The following TDP1 variants were observed in gnomAD, a reference collection of about 807,000 sequenced individuals.
TDP1 encodes the protein tyrosyl-DNA phosphodiesterase 1.
In TDP1, 64 loss-of-function variants were observed where a neutral mutation model predicts 81.5. That is an observed-to-expected ratio of 0.79 (90% CI 0.64 to 0.97). The LOEUF (loss-of-function observed/expected upper bound fraction) is 0.97. Ranked by LOEUF, TDP1 falls within the 50% of genes least tolerant of loss-of-function variation. TDP1 has a pLI of 0.00. For synonymous variants in TDP1, 256 were observed against 264.3 expected, an observed-to-expected ratio of 0.97 and a Z score of 0.30; for missense variants, 723 against 743.8, an observed-to-expected ratio of 0.97 and a Z score of 0.33.
chr14:89,980,396 A>G, intron 7 of TDP1, 144 bp from the exon 8 acceptor site: 1 of 1,410,918 alleles, frequency 7.1e-7, no homozygotes, highest in South Asian at 1.3e-5. Flanking sequence ...GGTAATGTAT[A>G]GAAGGGAAGA....
rs143942340 is a variant in TDP1 at position 90,000,270 on chromosome 14, T to TAGTC, written c.1541+6788_1541+6789insGTCA. On this transcript the variant is annotated intron_variant, in intron 14 of 16. Transcript: ENST00000335725. ...AGGATTGTTTCCCTTTTGAGTAACT[T>TAGTC]AATTAATTGATAACCAAATTATGCA... Among the ~76,000 whole-genome samples the TAGTC allele has an allele frequency of 5.9e-3, 904 of 152,330 alleles. 6 individuals are homozygous for TAGTC. The highest frequency in any genetic ancestry group is 0.021 in the African/African-American group (867 of 41,566).
chr14:89,982,229 G>A (rs1214831886), intron 8 of TDP1, among the ~76,000 whole-genome samples: 5 of 152,130 alleles, frequency 3.3e-5, no homozygotes, highest in Non-Finnish European at 7.4e-5. Context: ...GTATCCCACT[G>A]AAAATATGCT....
intron 16 of TDP1, among the ~76,000 whole-genome samples, chr14:90,037,428 G>A (rs962734385): frequency 1.3e-5 from 2 of 152,092 alleles, no homozygotes; most frequent in Non-Finnish European, 2.9e-5. Flanking sequence ...AGCTTCAGAG[G>A]TACTAGTTAT....
chr14:89,977,339 C>T lies in TDP1; in HGVS notation c.791+1524C>T, dbSNP rs528188162. Among the ~76,000 whole-genome samples the T allele has an allele frequency of 4.2e-4, 64 of 152,122 alleles. 1 individual carries two copies. In the Middle Eastern group the frequency reaches 0.031, roughly 73 times the overall value. ...TGTTGAGACAGTCTCGCTCTGTTGC[C>T]CAGGCTGGAGTACAATGGCGCAATC... On this transcript the variant is annotated intron_variant, in intron 7 of 16. Transcript: ENST00000335725.
rs534909070 is a variant in TDP1, at chr14:89,970,112, G to A, written c.660-1063G>A. Among the ~76,000 whole-genome samples, 9 of 151,986 alleles carry A rather than the reference G, an allele frequency of 5.9e-5. No individual in the cohort carries two copies. The South Asian group carries it at 8.3e-4, about 14-fold the overall frequency. On this transcript the variant is annotated intron_variant, in intron 5 of 16. Coordinates refer to ENST00000335725, the MANE Select transcript of TDP1 (RefSeq NM_018319.4). The stretch of plus-strand genomic sequence containing the variant: ...GGGATGGTCTCGATCTCCTGACCTC[G>A]TGATCTGCCCGCCTCGGCCTCCCAA...
chr14:90,008,730 G>A (rs1884347580), intron 14 of TDP1, among the ~76,000 whole-genome samples: 1 of 152,038 alleles, frequency 6.6e-6, no homozygotes, highest in African/African-American at 2.4e-5. Flanking sequence ...GTTTATTTTT[G>A]TTTTGTTTTT....
chr14:90,040,374 G>C lies in TDP1; in HGVS notation c.1754-2696G>C, dbSNP rs953919938. ...ATTTGATAAAAATGCATATTGCCAGGCCACAACCCAGACCTACTGAAACAA... is the reference window on the plus strand; with the variant it reads ...ATTTGATAAAAATGCATATTGCCAGCCCACAACCCAGACCTACTGAAACAA... On this transcript the variant is annotated intron_variant, in intron 16 of 16. Transcript: ENST00000335725. Among the ~76,000 whole-genome samples, 8 of 152,296 alleles carry C rather than the reference G, an allele frequency of 5.3e-5. No individual in the cohort carries two copies. The South Asian group carries it at 1.2e-3, about 24-fold the overall frequency.
At chr14:90,032,973 G>C (rs1887452153) in intron 15 of TDP1, 133 bp from the exon 16 acceptor site, 1 of 1,167,938 alleles carries the variant, frequency 8.6e-7, no homozygotes. Flanking sequence ...TATGAACATT[G>C]AAAATACCTC....
chr14:89,969,204 T>C (rs939852364), intron 5 of TDP1, among the ~76,000 whole-genome samples: 7 of 152,152 alleles, frequency 4.6e-5, no homozygotes, highest in African/African-American at 1.7e-4. Flanking sequence ...TTGTGGTGCT[T>C]TGTTTTGGAG....
intron 6 of TDP1, chr14:89,975,385 T>A: frequency 6.1e-6 from 6 of 985,358 alleles, no homozygotes; most frequent in Non-Finnish European, 7.2e-6. Context: ...CTTCAGTGTT[T>A]CTTTTAAATA....
At position 89,971,197 on chromosome 14, in the gene TDP1, C is replaced by T; in HGVS notation, c.682C>T (p.His228Tyr). ...TAGGAAGAAGCCAATCCTGCTTGTGCATGGTGATAAGCGAGAGGCTAAGGC... is the reference window on the plus strand; with the variant it reads ...TAGGAAGAAGCCAATCCTGCTTGTGTATGGTGATAAGCGAGAGGCTAAGGC... Reference protein sequence around the residue: ...EFRKKPILLVHGDKREAKAHL... With the variant: ...EFRKKPILLVYGDKREAKAHL... The change falls in exon 6 of 17, where the codon CAT becomes TAT. Residue 228 changes from histidine (H) to tyrosine (Y), a missense_variant. Physicochemically the swap from His to Tyr is moderately conservative, Grantham distance 83. Coordinates refer to ENST00000335725, the MANE Select transcript of TDP1 (RefSeq NM_018319.4). 1.9e-6 allele frequency: 3 copies of T among 1,613,956 alleles called. No individual in the cohort carries two copies. Among genetic ancestry groups the T allele is most frequent in the South Asian group, 1.1e-5 (1 of 91,084 alleles).
intron 2 of TDP1, among the ~76,000 whole-genome samples, chr14:89,957,470 C>T (rs911266220): frequency 6.6e-6 from 1 of 152,160 alleles, no homozygotes; most frequent in Admixed American, 6.5e-5. Context: ...TAGTCATGGC[C>T]GGGTTTGAGA....
chr14:90,042,256 G>A (rs749274993), intron 16 of TDP1, among the ~76,000 whole-genome samples: 2 of 152,226 alleles, frequency 1.3e-5, no homozygotes, highest in African/African-American at 4.8e-5. Context: ...ACCTGTGGCT[G>A]TACCAACTAT....
chr14:89,997,037 T>C (rs1333909470), intron 14 of TDP1, among the ~76,000 whole-genome samples: 1 of 152,238 alleles, frequency 6.6e-6, no homozygotes, highest in African/African-American at 2.4e-5. Context: ...AAAGAATTCA[T>C]TGTATACATA....
rs149644428 is a variant in TDP1 at position 90,001,833 on chromosome 14, C to T, written c.1541+8350C>T. Among the ~76,000 whole-genome samples the T allele has an allele frequency of 5.3e-3, 805 of 151,962 alleles. 6 individuals are homozygous for T. The highest frequency in any genetic ancestry group is 0.01 in the Middle Eastern group (3 of 294). On this transcript the variant is annotated intron_variant, in intron 14 of 16. Transcript: ENST00000335725. ...GCCTTTTGCTTGGTCCTTTTTTCAT[C>T]TTCCCAGTTTATTTTATTTATTTTT...
chr14:89,993,962 C>T (rs1208376534), intron 14 of TDP1, among the ~76,000 whole-genome samples: 1 of 152,074 alleles, frequency 6.6e-6, no homozygotes, highest in East Asian at 1.9e-4. Context: ...TTAGGATAGT[C>T]ACAGAATTAT....
rs1887472548 is a variant in TDP1 at position 90,033,126 on chromosome 14, G to A, written c.1665G>A (p.Val555=). 2 of 1,612,166 alleles carry A rather than the reference G, an allele frequency of 1.2e-6. No homozygotes were observed. Among genetic ancestry groups the A allele is most frequent in the East Asian group, 2.2e-5 (1 of 44,874 alleles). ...TGCAGGGTCTAGACAGTTTCAAAGTGAAACAGAAGTTCTTCGCTGGCAGCC... is the reference window on the plus strand; with the variant it reads ...TGCAGGGTCTAGACAGTTTCAAAGTAAAACAGAAGTTCTTCGCTGGCAGCC... ...PSAFGLDSFK[V]KQKFFAGSQE... Residue 555 remains valine (V), a synonymous_variant, in exon 16 of 17, where the codon GTG becomes GTA. Coordinates refer to ENST00000335725, the MANE Select transcript of TDP1 (RefSeq NM_018319.4).
intron 2 of TDP1, among the ~76,000 whole-genome samples, chr14:89,959,962 T>A (rs531194565): frequency 1.3e-5 from 2 of 152,186 alleles, no homozygotes; most frequent in Non-Finnish European, 2.9e-5. Context: ...CTGAATCCTT[T>A]CTCACCAAAA....
At chr14:89,995,141 T>A (rs1183026248) in intron 14 of TDP1, among the ~76,000 whole-genome samples, 3 of 152,252 alleles carry the variant, frequency 2.0e-5, no homozygotes, top group African/African-American at 7.2e-5. Flanking sequence ...TCTAGTTTTA[T>A]TCTGTAATAA....
Sources: gnomAD v4.1 joint callset for allele counts (sites outside exome capture counted in the v4.1 genomes callset) on GRCh38, gnomAD v4.1.1 for gene constraint, MANE v1.5 for transcripts, NCBI Gene and HGNC (gene_info 2026-07-23, HGNC 2026-07-21) for gene names.